The following CA12 variants were observed in gnomAD, a reference collection of about 807,000 sequenced individuals.
CA12 encodes the protein carbonate dehydratase XII.
CA12 carries 36 observed loss-of-function variants against 46.8 expected under a neutral mutation model. The observed-to-expected ratio is 0.77, with a 90% CI of 0.59 to 1.02. The LOEUF is 1.02. Ranked by LOEUF, CA12 falls within the 50% of genes least tolerant of loss-of-function variation. The pLI is 0.00. For synonymous variants in CA12, 202 were observed against 187.0 expected (o/e 1.08, Z -0.65); for missense variants, 436 against 451.4 (o/e 0.97, Z 0.31).
Position 63,346,529 on chromosome 15 carries a change from C to T in CA12, c.286+1G>A. On this transcript the variant is annotated splice_donor_variant, in intron 3 of 10. Transcript: ENST00000178638. LOFTEE classifies it high-confidence loss of function. ...TCAGGTCTCCAAGGCCTCTCCCTCA[C>T]CTGAATGGCCATTGTTGGTCAGGAG... 6.2e-7 allele frequency: 1 copy of T among 1,613,938 alleles called. No homozygotes were observed. The highest frequency in any genetic ancestry group is 8.5e-7 in the Non-Finnish European group (1 of 1,179,930).
At chr15:63,326,403 C>A (rs377000990) in intron 10 of CA12, 46 bp from the exon 11 acceptor site, 754 of 1,509,446 alleles carry the variant, frequency 5.0e-4, no homozygotes, top group Non-Finnish European at 6.6e-4. Flanking sequence ...GGAGAGCGAG[C>A]GAGCCAGAGA....
Position 63,341,703 on chromosome 15 carries a change from C to G in CA12, c.525+299G>C, listed in dbSNP as rs2039081505. The stretch of plus-strand genomic sequence containing the variant: ...GCAGATGGAGTTTGATGATCCCTTT[C>G]CAGCACAGGTCCTCCCCAACTGGGC... On this transcript the variant is annotated intron_variant, in intron 5 of 10. Coordinates refer to ENST00000178638, the MANE Select transcript of CA12 (RefSeq NM_001218.5). This position sits in a 1 kb window ranked among gnomAD's most constrained non-coding sequence, Gnocchi z 5.2. Among the ~76,000 whole-genome samples the G allele has an allele frequency of 6.6e-6, 1 of 152,194 alleles. No individual in the cohort carries two copies. Among genetic ancestry groups the G allele is most frequent in the Non-Finnish European group, 1.5e-5 (1 of 68,026 alleles).
At chr15:63,375,359 G>T in intron 2 of CA12, 1 of 335,310 alleles carries the variant, frequency 3.0e-6, no homozygotes, top group Non-Finnish European at 5.5e-6. Context: ...CGGAGGTGGG[G>T]CAAGTTACCT....
rs1253473382 is a variant in CA12 at position 63,374,280 on chromosome 15, C to T, written c.106+1378G>A. ...CTTGCTCTTTCTTGCTTCTGCTCAA[C>T]ATCACCTTAGCCAACAGCACCCACT... On this transcript the variant is annotated intron_variant, in intron 2 of 10. Transcript: ENST00000178638. The surrounding 1 kb of genome is among the most constrained non-coding windows in gnomAD (Gnocchi z 4.4). Among the ~76,000 whole-genome samples the T allele has an allele frequency of 6.6e-6, 1 of 152,158 alleles. No homozygotes were observed. Among genetic ancestry groups the T allele is most frequent in the Non-Finnish European group, 1.5e-5 (1 of 68,044 alleles).
At chr15:63,363,937 TG>T (rs1345620643) in intron 2 of CA12, among the ~76,000 whole-genome samples, 1 of 152,006 alleles carries the variant, frequency 6.6e-6, no homozygotes, top group African/African-American at 2.4e-5. Flanking sequence ...CCTGTAATCC[TG>T]GCACTTTGGG....
rs200913679 is a variant in CA12 at position 63,338,781 on chromosome 15, C to T, written c.874+38G>A. ...AAGATCCCAATGTCTTGGCACCACA[C>T]TCCCGCACCCCCTCCCCCCAGCACT... On this transcript the variant is annotated intron_variant, in intron 8 of 10. Transcript: ENST00000178638. 835 of 1,612,820 alleles carry T rather than the reference C, an allele frequency of 5.2e-4. 2 individuals are homozygous for T. The highest frequency in any genetic ancestry group is 5.8e-4 in the Non-Finnish European group (682 of 1,179,774).
At position 63,325,019 on chromosome 15, in the gene CA12, C is replaced by G. The variant is rs560951516; in HGVS notation, c.*1266G>C. Reference sequence around the variant, plus strand: ...CTGCGGGAGGAAAATGGAGGAGTTGCGCCTGTCAGAAACTGTCTGTGTGAT... The same window carrying G: ...CTGCGGGAGGAAAATGGAGGAGTTGGGCCTGTCAGAAACTGTCTGTGTGAT... On this transcript the variant is annotated 3_prime_UTR_variant, in exon 11 of 11. Transcript: ENST00000178638. The surrounding 1 kb of genome is among the most constrained non-coding windows in gnomAD (Gnocchi z 4.9). 2 of 152,116 alleles carry G rather than the reference C, an allele frequency of 1.3e-5. No individual in the cohort carries two copies. Among genetic ancestry groups the G allele is most frequent in the Admixed American group, 6.5e-5 (1 of 15,284 alleles). The allele number at this position is 152,116 out of a possible 1,614,324, so 9.4% of individuals were successfully genotyped here.
At chr15:63,375,824 T>G in intron 1 of CA12, 146 bp from the exon 2 acceptor site, 1 of 659,270 alleles carries the variant, frequency 1.5e-6, no homozygotes, top group Non-Finnish European at 2.7e-6. Flanking sequence ...TTTTTTTTTT[T>G]TCAAGGTGGA....
rs1416658081 is a variant in CA12 at position 63,375,433 on chromosome 15, A to C, written c.106+225T>G. ...CTGAAGCCTGGACACTATGACTCAC[A>C]GTCCTGTGCCTGGAGCAGGCTCGCC... On this transcript the variant is annotated intron_variant, in intron 2 of 10. Transcript: ENST00000178638. 7.9e-6 allele frequency: 4 copies of C among 504,146 alleles called. 1 individual carries two copies. Among genetic ancestry groups the C allele is most frequent in the South Asian group, 5.1e-5 (2 of 39,284 alleles). 31.2% of individuals were successfully genotyped at this position (504,146 alleles called of 1,614,324 possible).
chr15:63,329,256 C>T lies in CA12; in HGVS notation c.875-1126G>A, dbSNP rs757854207. Among the ~76,000 whole-genome samples, 8 of 152,346 alleles carry T rather than the reference C, an allele frequency of 5.3e-5. No homozygotes were observed. Among genetic ancestry groups the T allele is most frequent in the South Asian group, 4.1e-4 (2 of 4,826 alleles). On this transcript the variant is annotated intron_variant, in intron 8 of 10. Coordinates refer to ENST00000178638, the MANE Select transcript of CA12 (RefSeq NM_001218.5). This position sits in a 1 kb window ranked among gnomAD's most constrained non-coding sequence, Gnocchi z 4.8. ...TCTGCTCCATGGAACCAGGGTATTA[C>T]GGCTTCAACCAGCAAGTTACTGTTG...
rs1022898684 is a variant in CA12, at chr15:63,355,415, C to T, written c.107-8706G>A. On this transcript the variant is annotated intron_variant, in intron 2 of 10. Coordinates refer to ENST00000178638, the MANE Select transcript of CA12 (RefSeq NM_001218.5). This position sits in a 1 kb window ranked among gnomAD's most constrained non-coding sequence, Gnocchi z 4.1. ...CGTGGCTCCAGACAAGCATTATCAT[C>T]ACCGCCTAGGAACTCATTCAAAATG... Among the ~76,000 whole-genome samples, 1 of 152,212 alleles carries T rather than the reference C, an allele frequency of 6.6e-6. No homozygotes were observed. Among genetic ancestry groups the T allele is most frequent in the Non-Finnish European group, 1.5e-5 (1 of 68,038 alleles).
chr15:63,327,808 G>C lies in CA12; in HGVS notation c.907+290C>G, dbSNP rs2038887409. Among the ~76,000 whole-genome samples the C allele has an allele frequency of 6.6e-6, 1 of 152,208 alleles. No individual in the cohort carries two copies. The highest frequency in any genetic ancestry group is 2.4e-5 in the African/African-American group (1 of 41,448). On this transcript the variant is annotated intron_variant, in intron 9 of 10. Coordinates refer to ENST00000178638, the MANE Select transcript of CA12 (RefSeq NM_001218.5). This position sits in a 1 kb window ranked among gnomAD's most constrained non-coding sequence, Gnocchi z 4.5. ...GCCTGTCAGCTGACCTCCACAATGG[G>C]CTCTGGTATGTTTTCAGCAACAGCC...
At chr15:63,352,809 G>T (rs544445653) in intron 2 of CA12, among the ~76,000 whole-genome samples, 24 of 152,222 alleles carry the variant, frequency 1.6e-4, no homozygotes, top group African/African-American at 5.8e-4. Flanking sequence ...TTTGTAAGGA[G>T]GTCTGACCAT....
At chr15:63,351,604 C>A (rs953113224) in intron 2 of CA12, among the ~76,000 whole-genome samples, 6 of 152,232 alleles carry the variant, frequency 3.9e-5, no homozygotes, top group African/African-American at 1.4e-4. Context: ...TGCCAACCCA[C>A]CTTCACAAAT....
intron 8 of CA12, among the ~76,000 whole-genome samples, chr15:63,332,783 C>T (rs1567041436): frequency 6.6e-6 from 1 of 152,216 alleles, no homozygotes. Flanking sequence ...GTAAATCATT[C>T]TGCAGAGAAG....
At chr15:63,350,166 C>T (rs771908148) in intron 2 of CA12, among the ~76,000 whole-genome samples, 15 of 152,202 alleles carry the variant, frequency 9.9e-5, no homozygotes, top group Non-Finnish European at 1.9e-4. Context: ...GCTGGGGACA[C>T]TGTCAGAGCA....
intron 2 of CA12, among the ~76,000 whole-genome samples, chr15:63,368,374 C>A (rs1229067542): frequency 6.6e-6 from 1 of 152,124 alleles, no homozygotes. Flanking sequence ...GTTGCCCCTG[C>A]GAAGGAAGAG....
In CA12 at chr15:63,345,029, C is replaced by A. The variant is rs2039127887; in HGVS notation, c.429+448G>T. Among the ~76,000 whole-genome samples, 1 of 152,142 alleles carries A rather than the reference C, an allele frequency of 6.6e-6. No homozygotes were observed. Among genetic ancestry groups the A allele is most frequent in the South Asian group, 2.1e-4 (1 of 4,826 alleles). ...GACCCATGTCCCCATGTTCTAAACA[C>A]AACCCATGCCCAGAGAGGGAAAGAT... On this transcript the variant is annotated intron_variant, in intron 4 of 10. Transcript: ENST00000178638. The surrounding 1 kb of genome is among the most constrained non-coding windows in gnomAD (Gnocchi z 4.3).
chr15:63,340,179 G>A lies in CA12; in HGVS notation c.747+109C>T, dbSNP rs2039057991. 3 of 1,278,302 alleles carry A rather than the reference G, an allele frequency of 2.3e-6. No homozygotes were observed. In the Admixed American group the frequency reaches 5.7e-5, roughly 24 times the overall value. 79.2% of individuals were successfully genotyped at this position (1,278,302 alleles called of 1,614,324 possible). On this transcript the variant is annotated intron_variant, in intron 7 of 10. Transcript: ENST00000178638. The surrounding 1 kb of genome is among the most constrained non-coding windows in gnomAD (Gnocchi z 4.4). ...CTGTGATATTTGGAGAGGTTTTGAA[G>A]AGCTGCCAATGAAACTAAATGAGGA...
Sources: allele counts gnomAD v4.1 joint callset (sites outside exome capture counted in the v4.1 genomes callset), GRCh38; gene constraint gnomAD v4.1.1; non-coding constraint Gnocchi (gnomAD v3.1); transcripts MANE v1.5; gene names NCBI Gene and HGNC (gene_info 2026-07-23, HGNC 2026-07-21).